The following SS18 variants were observed in gnomAD, a reference collection of about 807,000 sequenced individuals.
SS18 encodes SS18 subunit of BAF chromatin remodeling complex.
Under a neutral mutation model 72.5 loss-of-function variants are expected in SS18, and 28 were observed. That is an observed-to-expected ratio of 0.39 (90% CI 0.29 to 0.53). The LOEUF is 0.53. SS18 is among the 20% of genes least tolerant of loss of function. The pLI is 0.76. For synonymous variants in SS18, 172 were observed against 164.2 expected (o/e 1.05, Z -0.37); for missense variants, 518 against 535.3 (o/e 0.97, Z 0.32).
intron 10 of SS18, among the ~76,000 whole-genome samples, chr18:26,022,546 C>A (rs2053371051): frequency 6.6e-6 from 1 of 152,114 alleles, no homozygotes; most frequent in Non-Finnish European, 1.5e-5. Context: ...ATGAGGCCAG[C>A]CCTCTGACTA....
intron 3 of SS18, among the ~76,000 whole-genome samples, chr18:26,067,348 A>C (rs979198896): frequency 6.6e-6 from 1 of 152,244 alleles, no homozygotes; most frequent in Non-Finnish European, 1.5e-5. Flanking sequence ...AAGAGAACTA[A>C]GTGTTTTTAA....
At chr18:26,062,112 T>C (rs1340492375) in intron 3 of SS18, among the ~76,000 whole-genome samples, 1 of 151,934 alleles carries the variant, frequency 6.6e-6, no homozygotes, top group African/African-American at 2.4e-5. Context: ...AATACAAAAA[T>C]TAGCAGGCAT....
At chr18:26,023,102 T>A (rs2053380862) in intron 10 of SS18, among the ~76,000 whole-genome samples, 1 of 152,292 alleles carries the variant, frequency 6.6e-6, no homozygotes, top group East Asian at 1.9e-4. Flanking sequence ...GGTATACATA[T>A]ATCTTCATCA....
intron 10 of SS18, among the ~76,000 whole-genome samples, chr18:26,021,404 G>A (rs1465652937): frequency 6.6e-6 from 1 of 152,242 alleles, no homozygotes; most frequent in Non-Finnish European, 1.5e-5. Context: ...GCATGGTACA[G>A]TGAACAGAGC....
At chr18:26,042,370 A>G (rs2053743463) in intron 5 of SS18, among the ~76,000 whole-genome samples, 1 of 152,198 alleles carries the variant, frequency 6.6e-6, no homozygotes, top group African/African-American at 2.4e-5. Context: ...ACAAAGCGTG[A>G]TAATACATAT....
intron 3 of SS18, among the ~76,000 whole-genome samples, chr18:26,075,133 G>T (rs545846912): frequency 6.6e-6 from 1 of 151,948 alleles, no homozygotes; most frequent in African/African-American, 2.4e-5. Flanking sequence ...CTTTTCTAAA[G>T]AATTGTACCA....
chr18:26,018,285 G>A lies in SS18; in HGVS notation c.*69C>T. On this transcript the variant is annotated 3_prime_UTR_variant, in exon 11 of 11. Transcript: ENST00000415083. Reference sequence around the variant, plus strand: ...GAATGGAAGGATCTCTTCACAGGGAGGTGTCCACAGTGCTGAGGTGACAAT... The same window carrying A: ...GAATGGAAGGATCTCTTCACAGGGAAGTGTCCACAGTGCTGAGGTGACAAT... The A allele has an allele frequency of 7.7e-7, 1 of 1,300,366 alleles. No homozygotes were observed. The highest frequency in any genetic ancestry group is 2.4e-5 in the East Asian group (1 of 42,458). 80.6% of individuals were successfully genotyped at this position (1,300,366 alleles called of 1,614,324 possible).
intron 7 of SS18, 148 bp downstream of exon 7, chr18:26,038,407 A>G: frequency 7.6e-6 from 5 of 657,348 alleles, no homozygotes; most frequent in Non-Finnish European, 1.4e-5. Context: ...TAATGCTATC[A>G]TTGGTACTTT....
chr18:26,019,636 C>T (rs1455234984), intron 10 of SS18, among the ~76,000 whole-genome samples: 3 of 151,762 alleles, frequency 2.0e-5, no homozygotes, highest in Non-Finnish European at 4.4e-5. Context: ...CATGGTGAAA[C>T]CCCGTCTTTA....
intron 5 of SS18, 54 bp from the exon 6 acceptor site, chr18:26,039,510 C>T (rs947140196): frequency 6.8e-7 from 1 of 1,465,622 alleles, no homozygotes; most frequent in Non-Finnish European, 9.2e-7. Flanking sequence ...ACTTTAACAT[C>T]TCAAGAGAAA....
intron 2 of SS18, chr18:26,080,280 G>A: frequency 1.1e-6 from 1 of 946,058 alleles, no homozygotes; most frequent in Non-Finnish European, 1.3e-6. Context: ...AAACCAACCA[G>A]CCATTTTTAA....
chr18:26,023,676 ACATTTT>A (rs1409987964), intron 10 of SS18: 1 of 524,386 alleles, frequency 1.9e-6, no homozygotes, highest in Admixed American at 2.4e-5. Context: ...GGCAAAATAA[ACATTTT>A]TTTCAGACAT....
chr18:26,023,195 C>G (rs1446998649), intron 10 of SS18, among the ~76,000 whole-genome samples: 1 of 152,102 alleles, frequency 6.6e-6, no homozygotes. Flanking sequence ...CTGATTAAAA[C>G]TGACCCTAAA....
intron 5 of SS18, 34 bp downstream of exon 5, chr18:26,052,590 C>G: frequency 1.3e-6 from 2 of 1,525,562 alleles, no homozygotes; most frequent in Non-Finnish European, 1.8e-6. Flanking sequence ...GCTAATAGAG[C>G]ACTCTAGTCA....
chr18:26,038,659 C>T lies in SS18; in HGVS notation c.776G>A (p.Gly259Asp), dbSNP rs1341298299. The change falls in exon 7 of 11, where the codon GGC (glycine) becomes GAC (aspartate). Residue 259 changes from glycine to aspartate, a missense_variant and splice_region_variant. Transcript: ENST00000415083. ...QIPPYRPPQQ[G>D]PPQQYSGQED... ...CTGGCCTGAGTACTGCTGTGGTGGG[C>T]CTGAAAAACCACAACCAGTCAAGAT... 2 of 1,611,764 alleles carry T rather than the reference C, an allele frequency of 1.2e-6. No homozygotes were observed. Among genetic ancestry groups the T allele is most frequent in the South Asian group, 1.1e-5 (1 of 90,982 alleles).
At chr18:26,037,730 G>T (rs1254368761) in intron 7 of SS18, among the ~76,000 whole-genome samples, 1 of 151,948 alleles carries the variant, frequency 6.6e-6, no homozygotes, top group East Asian at 1.9e-4. Context: ...ACATGAATAA[G>T]GCTTTTGGCA....
chr18:26,029,736 A>G (rs1171083266), intron 10 of SS18, among the ~76,000 whole-genome samples: 2 of 152,154 alleles, frequency 1.3e-5, no homozygotes, highest in African/African-American at 4.8e-5. Flanking sequence ...AACTACAACT[A>G]TAATTATGTT....
intron 5 of SS18, among the ~76,000 whole-genome samples, chr18:26,047,883 C>T (rs1460107634): frequency 1.3e-5 from 2 of 152,132 alleles, no homozygotes; most frequent in African/African-American, 2.4e-5. Context: ...TAAATTCCTA[C>T]CTCTTAAAAC....
Position 26,035,190 on chromosome 18 carries a change from T to C in SS18, c.974-63A>G, listed in dbSNP as rs2053607368. 2.6e-6 allele frequency: 4 copies of C among 1,564,280 alleles called. No homozygotes were observed. Among genetic ancestry groups the C allele is most frequent in the Non-Finnish European group, 3.5e-6 (4 of 1,148,042 alleles). On this transcript the variant is annotated intron_variant, in intron 8 of 10. Transcript: ENST00000415083. The surrounding 1 kb of genome is among the most constrained non-coding windows in gnomAD (Gnocchi z 4.4). ...AGTCTGCTTAAGTAACTTTTTTCCCTCTAAGATGCATAGCCAACAACACAA... is the reference window on the plus strand; with the variant it reads ...AGTCTGCTTAAGTAACTTTTTTCCCCCTAAGATGCATAGCCAACAACACAA...
Sources: allele counts gnomAD v4.1 joint callset (sites outside exome capture counted in the v4.1 genomes callset), GRCh38; gene constraint gnomAD v4.1.1; non-coding constraint Gnocchi (gnomAD v3.1); transcripts MANE v1.5; gene names NCBI Gene and HGNC (gene_info 2026-07-23, HGNC 2026-07-21).